TMEM178A: variants seen among roughly 807,000 people sequenced by gnomAD.
TMEM178A encodes transmembrane protein 178A.
TMEM178A carries 12 observed loss-of-function variants against 29.1 expected under a neutral mutation model. The observed-to-expected ratio is 0.41, with a 90% CI of 0.26 to 0.67. TMEM178A has a LOEUF of 0.67. Among genes scored for constraint, TMEM178A ranks in the 30% least tolerant of loss-of-function variants. The pLI is 0.29. For missense variants in TMEM178A, 366 were observed against 419.1 expected (o/e 0.87, Z 1.11); for synonymous variants, 210 against 187.2 (o/e 1.12, Z -0.99).
At chr2:39,665,842 G>A (rs1670118923), upstream of TMEM178A, 2 of 855,662 alleles carry the variant, frequency 2.3e-6, no homozygotes, top group African/African-American at 1.9e-5. Flanking sequence ...CTCGCAGGGC[G>A]AGGAGGCCGT....
chr2:39,685,276 C>G (rs895677475), intron 1 of TMEM178A, among the ~76,000 whole-genome samples: 2 of 152,160 alleles, frequency 1.3e-5, no homozygotes, highest in African/African-American at 4.8e-5. Context: ...GTGAGCTGCT[C>G]TCTCACCACA....
the TMEM178A span, chr2:39,735,929 T>C: frequency 1.1e-4 from 16 of 152,348 alleles, no homozygotes; most frequent in East Asian, 3.1e-3. Flanking sequence ...TTTTATGACT[T>C]CTGCTTTGGG....
At chr2:39,672,359 AG>A (rs1448880843) in intron 1 of TMEM178A, among the ~76,000 whole-genome samples, 1 of 152,168 alleles carries the variant, frequency 6.6e-6, no homozygotes, top group Non-Finnish European at 1.5e-5. Context: ...AATGGCCTTG[AG>A]GGGAAAAAAG....
chr2:39,671,096 T>C (rs984937548), intron 1 of TMEM178A, among the ~76,000 whole-genome samples: 1 of 152,224 alleles, frequency 6.6e-6, no homozygotes, highest in Non-Finnish European at 1.5e-5. Context: ...GTTCTTGTAG[T>C]TGCAGAAGCA....
the TMEM178A span, among the ~76,000 whole-genome samples, chr2:39,730,845 C>T: frequency 3.9e-5 from 6 of 152,332 alleles, no homozygotes; most frequent in Admixed American, 6.5e-5. Context: ...GTACCACTCT[C>T]ACTTTCAGCT....
intron 3 of TMEM178A, among the ~76,000 whole-genome samples, chr2:39,708,098 C>T (rs1672118651): frequency 6.6e-6 from 1 of 152,132 alleles, no homozygotes; most frequent in Non-Finnish European, 1.5e-5. Flanking sequence ...GTGATAAAAG[C>T]TGTGAAGAAA....
downstream of TMEM178A, among the ~76,000 whole-genome samples, chr2:39,722,808 T>C (rs1268943946): frequency 6.6e-6 from 1 of 152,190 alleles, no homozygotes; most frequent in Non-Finnish European, 1.5e-5. Context: ...CCCAGTGAAG[T>C]GCTTATCCTG....
At chr2:39,702,885 G>C (rs1671851853) in intron 1 of TMEM178A, among the ~76,000 whole-genome samples, 1 of 152,132 alleles carries the variant, frequency 6.6e-6, no homozygotes, top group South Asian at 2.1e-4. Flanking sequence ...AGTATATCTG[G>C]GGTAGAGTTC....
intron 1 of TMEM178A, among the ~76,000 whole-genome samples, chr2:39,682,555 A>G (rs1670911238): frequency 6.6e-6 from 1 of 152,088 alleles, no homozygotes; most frequent in Non-Finnish European, 1.5e-5. Context: ...AGTAGATACT[A>G]GGTCTGAAGT....
At chr2:39,709,983 G>A (rs1672233255) in intron 3 of TMEM178A, among the ~76,000 whole-genome samples, 2 of 152,194 alleles carry the variant, frequency 1.3e-5, no homozygotes, top group African/African-American at 2.4e-5. Context: ...TTAAATGAAA[G>A]GAAGTTGAAG....
Position 39,666,028 on chromosome 2 carries a change from C to T in TMEM178A, c.54C>T (p.Ser18=). The T allele has an allele frequency of 1.3e-6, 2 of 1,552,570 alleles. No homozygotes were observed. Among genetic ancestry groups the T allele is most frequent in the African/African-American group, 1.4e-5 (1 of 70,472 alleles). ...TCAGCCTCGGCCTCAGCCTGTGCTCCCTGGGGCTGCTCGTCACGGCCATCT... is the reference window on the plus strand; with the variant it reads ...TCAGCCTCGGCCTCAGCCTGTGCTCTCTGGGGCTGCTCGTCACGGCCATCT... ...TALSLGLSLC[S]LGLLVTAIFT... Residue 18 remains serine (S), a synonymous_variant, in exon 1 of 4, where the codon TCC becomes TCT. Transcript: ENST00000281961.
At chr2:39,669,705 A>G (rs1041602199) in intron 1 of TMEM178A, among the ~76,000 whole-genome samples, 3 of 152,200 alleles carry the variant, frequency 2.0e-5, no homozygotes, top group African/African-American at 7.2e-5. Flanking sequence ...AAATAAAACA[A>G]AATATTTGCC....
downstream of TMEM178A, among the ~76,000 whole-genome samples, chr2:39,718,214 T>C (rs1458902370): frequency 6.6e-6 from 1 of 152,164 alleles, no homozygotes; most frequent in Non-Finnish European, 1.5e-5. Context: ...TCTTTTTCTC[T>C]CATTTTCCCC....
the TMEM178A span, among the ~76,000 whole-genome samples, chr2:39,729,082 G>A: frequency 1.3e-5 from 2 of 151,910 alleles, no homozygotes; most frequent in Non-Finnish European, 2.9e-5. Context: ...GGCAGAAAAG[G>A]AATTCATTAA....
At chr2:39,712,767 A>T (rs1470151227) in intron 3 of TMEM178A, among the ~76,000 whole-genome samples, 3 of 152,142 alleles carry the variant, frequency 2.0e-5, no homozygotes, top group Non-Finnish European at 4.4e-5. Context: ...AGAATGGAGG[A>T]GAGGCCACCT....
At chr2:39,704,700 T>G (rs1020872839) in intron 2 of TMEM178A, among the ~76,000 whole-genome samples, 4 of 152,152 alleles carry the variant, frequency 2.6e-5, no homozygotes, top group African/African-American at 9.7e-5. Flanking sequence ...GTCAGGAAAA[T>G]GTGAAACTCT....
chr2:39,703,846 G>A (rs2540243), intron 1 of TMEM178A, among the ~76,000 whole-genome samples: 13,171 of 152,214 alleles, frequency 0.087, 1,931 homozygotes, highest in African/African-American at 0.3. Flanking sequence ...GGTAAAACAA[G>A]CTCCGTATGG....
At chr2:39,712,147 T>C (rs1672338829) in intron 3 of TMEM178A, among the ~76,000 whole-genome samples, 1 of 151,834 alleles carries the variant, frequency 6.6e-6, no homozygotes, top group African/African-American at 2.4e-5. Flanking sequence ...TTTTGAGTAA[T>C]CTGTGTGCAA....
intron 1 of TMEM178A, among the ~76,000 whole-genome samples, chr2:39,667,560 G>A (rs1670225316): frequency 6.6e-6 from 1 of 152,186 alleles, no homozygotes; most frequent in African/African-American, 2.4e-5. Context: ...CAAACAGACG[G>A]ATTTGTGTTG....
Sources: allele counts gnomAD v4.1 joint callset (sites outside exome capture counted in the v4.1 genomes callset), GRCh38; gene constraint gnomAD v4.1.1; transcripts MANE v1.5; gene names NCBI Gene and HGNC (gene_info 2026-07-23, HGNC 2026-07-21).